UNC13C: variants seen among roughly 807,000 people sequenced by gnomAD.
UNC13C encodes the protein unc-13 homolog C, also known as protein unc-13 homolog C.
In UNC13C, 174 loss-of-function variants were observed where a neutral mutation model predicts 245.4. The ratio of observed to expected loss-of-function variants is 0.71; its 90% CI spans 0.63 to 0.80. The LOEUF (loss-of-function observed/expected upper bound fraction) is 0.80. Among genes scored for constraint, UNC13C ranks in the 30% least tolerant of loss-of-function variants. The pLI, the probability that UNC13C is intolerant of heterozygous loss-of-function variation, is 0.00. For missense variants in UNC13C, 2,829 were observed against 2,602.9 expected (o/e 1.09, Z -1.89); for synonymous variants, 992 against 895.1 (o/e 1.11, Z -1.93).
the UNC13C span, among the ~76,000 whole-genome samples, chr15:53,938,554 A>C: frequency 6.6e-6 from 1 of 152,176 alleles, no homozygotes; most frequent in Non-Finnish European, 1.5e-5. Context: ...AACAAAATAC[A>C]CATTCTTCTC....
At chr15:53,980,779 TG>T in intron 1 of UNC13C, among the ~76,000 whole-genome samples, 1 of 152,312 alleles carries the variant, frequency 6.6e-6, no homozygotes, top group Admixed American at 6.5e-5. Context: ...CGAGGTAAAG[TG>T]TTAGCAAAGC....
chr15:53,966,894 G>C, the UNC13C span, among the ~76,000 whole-genome samples: 1 of 151,872 alleles, frequency 6.6e-6, no homozygotes, highest in African/African-American at 2.4e-5. Flanking sequence ...AGCTTCTATA[G>C]TTGTCATTTT....
intron 22 of UNC13C, among the ~76,000 whole-genome samples, chr15:54,505,347 G>A (rs1894425607): frequency 6.6e-6 from 1 of 152,142 alleles, no homozygotes; most frequent in South Asian, 2.1e-4. Context: ...TAAGATAGTG[G>A]TTCTCAAACT....
At chr15:54,522,744 C>T (rs760408312) in intron 24 of UNC13C, among the ~76,000 whole-genome samples, 37 of 152,138 alleles carry the variant, frequency 2.4e-4, no homozygotes, top group Non-Finnish European at 5.0e-4. Flanking sequence ...CAGAATTTGA[C>T]TCAAAATCCT....
chr15:54,328,603 A>G (rs998608569), intron 14 of UNC13C, among the ~76,000 whole-genome samples: 1 of 152,034 alleles, frequency 6.6e-6, no homozygotes, highest in Non-Finnish European at 1.5e-5. Context: ...GAAAATAATG[A>G]GAGATGCTGA....
chr15:54,059,718 A>G (rs1161875265), intron 2 of UNC13C, among the ~76,000 whole-genome samples: 1 of 152,214 alleles, frequency 6.6e-6, no homozygotes, highest in Non-Finnish European at 1.5e-5. Flanking sequence ...TTCAAACTAT[A>G]CTGCAAGGCT....
the UNC13C span, chr15:53,913,168 T>C: frequency 2.6e-5 from 4 of 152,344 alleles, no homozygotes; most frequent in South Asian, 6.2e-4. Flanking sequence ...CTCTTGCAGG[T>C]TTAGAAGCAG....
chr15:54,530,170 C>T (rs1050509332), intron 25 of UNC13C, among the ~76,000 whole-genome samples: 3 of 152,020 alleles, frequency 2.0e-5, no homozygotes, highest in African/African-American at 7.3e-5. Context: ...CTATAATTAC[C>T]ATGTAAAAAT....
At chr15:54,321,207 T>C (rs2038148663) in intron 13 of UNC13C, 1 of 498,896 alleles carries the variant, frequency 2.0e-6, no homozygotes, top group Non-Finnish European at 3.9e-6. Context: ...CAGCCTTATT[T>C]ATGGAGCCAT....
rs752236399 is a variant in UNC13C at position 54,294,012 on chromosome 15, A to T, written c.3936A>T (p.Thr1312=). 6.3e-7 allele frequency: 1 copy of T among 1,596,970 alleles called. No individual in the cohort carries two copies. The highest frequency in any genetic ancestry group is 8.5e-7 in the Non-Finnish European group (1 of 1,172,532). Residue 1312 remains threonine, a synonymous_variant, in exon 11 of 33, where the codon ACA becomes ACT. Transcript: ENST00000260323. ...AGTCAGATGATTTTCTGGGACAAAC[A>T]ATTGTAGAAGTGAGGACCTTGAGTG... The part of the protein sequence containing the change: ...KKESDDFLGQ[T]IVEVRTLSGE...
rs186299695 is a variant in UNC13C at position 54,314,271 on chromosome 15, G to C, written c.4269-7668G>C. Among the ~76,000 whole-genome samples, 47 of 151,784 alleles carry C rather than the reference G, an allele frequency of 3.1e-4. 1 individual carries two copies. Among genetic ancestry groups the C allele is most frequent in the African/African-American group, 1.1e-3 (46 of 41,498 alleles). ...GTTAATAACAATGTGTTGTATTCTT[G>C]AAAAGAGCAAAGCGAATAGATTTTA... On this transcript the variant is annotated intron_variant, in intron 13 of 32. Coordinates refer to ENST00000260323, the MANE Select transcript of UNC13C (RefSeq NM_001080534.3).
Position 54,322,072 on chromosome 15 carries a change from C to A in UNC13C, c.4402C>A (p.Arg1468=). ...STNIQVSASD[R]FAATNFGREK... The stretch of plus-strand genomic sequence containing the variant: ...AAACATACAGGTTTCTGCCTCAGAT[C>A]GATTTGCTGCTACCAACTTTGGTGT... Residue 1468 remains arginine (R), a synonymous_variant, in exon 14 of 33, where the codon CGA becomes AGA. Coordinates refer to ENST00000260323, the MANE Select transcript of UNC13C (RefSeq NM_001080534.3). 6.3e-7 allele frequency: 1 copy of A among 1,580,550 alleles called. No individual in the cohort carries two copies. The highest frequency in any genetic ancestry group is 8.6e-7 in the Non-Finnish European group (1 of 1,163,370).
At chr15:54,532,878 G>A (rs937536947) in intron 25 of UNC13C, 39 bp from the exon 26 acceptor site, 27 of 1,361,524 alleles carry the variant, frequency 2.0e-5, no homozygotes, top group Admixed American at 4.4e-5. Flanking sequence ...CAGGCAAAAT[G>A]TATTCTTATA....
At chr15:54,126,057 A>G (rs548513165) in intron 2 of UNC13C, among the ~76,000 whole-genome samples, 2 of 152,336 alleles carry the variant, frequency 1.3e-5, no homozygotes, top group Admixed American at 6.5e-5. Context: ...AATGCAAGAA[A>G]AAAGAAAATA....
At chr15:54,360,714 G>C (rs2039211014) in intron 17 of UNC13C, among the ~76,000 whole-genome samples, 1 of 152,050 alleles carries the variant, frequency 6.6e-6, no homozygotes, top group Non-Finnish European at 1.5e-5. Context: ...TCTCCTGTAT[G>C]TTTCCTGGAT....
the UNC13C span, among the ~76,000 whole-genome samples, chr15:53,902,952 A>C: frequency 2.6e-5 from 4 of 152,204 alleles, no homozygotes; most frequent in African/African-American, 9.6e-5. Context: ...TGGTAGGGAC[A>C]GTGGTGGGGC....
chr15:53,885,845 A>G, the UNC13C span, among the ~76,000 whole-genome samples: 1 of 152,210 alleles, frequency 6.6e-6, no homozygotes, highest in Non-Finnish European at 1.5e-5. Flanking sequence ...AGTGTGCAAT[A>G]CCAAAAACAA....
chr15:54,373,070 C>T (rs2039526790), intron 17 of UNC13C, among the ~76,000 whole-genome samples: 1 of 152,030 alleles, frequency 6.6e-6, no homozygotes, highest in Non-Finnish European at 1.5e-5. Flanking sequence ...CAAAGGTGTC[C>T]CCAGTTGAAG....
chr15:54,180,352 T>C (rs999923164), intron 4 of UNC13C, among the ~76,000 whole-genome samples: 4 of 152,072 alleles, frequency 2.6e-5, no homozygotes. Context: ...TTTTCATGGC[T>C]ACACAGTATT....
Sources: allele counts gnomAD v4.1 joint callset (sites outside exome capture counted in the v4.1 genomes callset), GRCh38; gene constraint gnomAD v4.1.1; transcripts MANE v1.5; gene names NCBI Gene and HGNC (gene_info 2026-07-23, HGNC 2026-07-21).